The following MYO1D variants were observed in gnomAD, a reference collection of about 807,000 sequenced individuals.
The protein encoded by MYO1D is unconventional myosin-Id.
In MYO1D, 83 loss-of-function variants were observed where a neutral mutation model predicts 122.0. The observed-to-expected ratio is 0.68, with a 90% confidence interval of 0.57 to 0.82. The LOEUF is 0.82. MYO1D is among the 40% of genes least tolerant of loss of function. The pLI, the probability that MYO1D is intolerant of heterozygous loss-of-function variation, is 0.00. For missense variants in MYO1D, 1,157 were observed against 1,269.5 expected (o/e 0.91, Z 1.35); for synonymous variants, 464 against 446.9 (o/e 1.04, Z -0.48).
intron 12 of MYO1D, among the ~76,000 whole-genome samples, chr17:32,747,634 C>A (rs28545272): frequency 0.025 from 3,809 of 151,914 alleles, 162 homozygotes; most frequent in African/African-American, 0.086. Context: ...GTCAGGAGTT[C>A]GAAACCAGCC....
At chr17:32,507,335 T>C (rs976030754) in intron 21 of MYO1D, among the ~76,000 whole-genome samples, 6 of 152,046 alleles carry the variant, frequency 3.9e-5, no homozygotes, top group African/African-American at 1.2e-4. Flanking sequence ...GCCTGGGAGG[T>C]TGAGGCTGCA....
chr17:32,762,884 A>C (rs797010015), intron 8 of MYO1D, among the ~76,000 whole-genome samples: 12 of 45,260 alleles, frequency 2.7e-4, no homozygotes, highest in African/African-American at 6.8e-4. Context: ...AAAAAAAAGA[A>C]AAAAAAAAAA....
chr17:32,876,944 G>A lies in MYO1D; in HGVS notation c.-72C>T. The A allele has an allele frequency of 1.1e-6, 1 of 924,706 alleles. No homozygotes were observed. Among genetic ancestry groups the A allele is most frequent in the Non-Finnish European group, 1.4e-6 (1 of 693,562 alleles). The allele number at this position is 924,706 out of a possible 1,614,324, so 57.3% of individuals were successfully genotyped here. On this transcript the variant is annotated 5_prime_UTR_variant, in exon 1 of 22. Coordinates refer to ENST00000318217, the MANE Select transcript of MYO1D (RefSeq NM_015194.3). ...CGCTCCGTGGGCCCGCGATGAGCTC[G>A]GGAGGGGCCGGGGCGAGGCCGCGCC...
intron 20 of MYO1D, 65 bp downstream of exon 20, chr17:32,638,657 C>A (rs1416537986): frequency 4.7e-6 from 5 of 1,072,820 alleles, no homozygotes; most frequent in African/African-American, 1.5e-5. Flanking sequence ...AGTCTATTGA[C>A]CCATTAGTGG....
chr17:32,571,342 C>G (rs1016893669), intron 21 of MYO1D, among the ~76,000 whole-genome samples: 6 of 152,154 alleles, frequency 3.9e-5, no homozygotes, highest in African/African-American at 1.4e-4. Context: ...CCGCCTCTGG[C>G]CCTCCCTCCA....
intron 21 of MYO1D, among the ~76,000 whole-genome samples, chr17:32,592,615 CA>C (rs1204822995): frequency 6.6e-6 from 1 of 151,900 alleles, no homozygotes; most frequent in Admixed American, 6.6e-5. Context: ...CATGACACTG[CA>C]TTTGTCAAAA....
At chr17:32,518,356 G>A (rs889174511) in intron 21 of MYO1D, 2 of 152,406 alleles carry the variant, frequency 1.3e-5, no homozygotes, top group African/African-American at 4.8e-5. Context: ...ATAATTCTGC[G>A]AAGAGCTCTC....
chr17:32,737,160 G>A (rs977930309), intron 14 of MYO1D, among the ~76,000 whole-genome samples: 3 of 152,076 alleles, frequency 2.0e-5, no homozygotes, highest in African/African-American at 7.2e-5. Flanking sequence ...AAACTACATA[G>A]GAGAAGCACC....
intron 21 of MYO1D, among the ~76,000 whole-genome samples, chr17:32,542,016 C>A (rs1268332348): frequency 6.6e-6 from 1 of 152,128 alleles, no homozygotes; most frequent in Non-Finnish European, 1.5e-5. Context: ...GAAGCTCCCC[C>A]AAGGGCTCTG....
At chr17:32,576,522 A>T (rs1031087679) in intron 21 of MYO1D, among the ~76,000 whole-genome samples, 2 of 152,270 alleles carry the variant, frequency 1.3e-5, no homozygotes, top group Non-Finnish European at 2.9e-5. Context: ...AAATAACCTT[A>T]ATTGGACTAA....
At chr17:32,651,674 CTTTTTTT>C (rs869114531) in intron 19 of MYO1D, among the ~76,000 whole-genome samples, 1 of 134,140 alleles carries the variant, frequency 7.5e-6, no homozygotes, top group Admixed American at 7.5e-5. Context: ...CTTTTTCCCA[CTTTTTTT>C]TTTTTTTTTT....
In MYO1D at chr17:32,492,957, C is replaced by T. The variant is rs141215728; in HGVS notation, c.*1802G>A. On this transcript the variant is annotated 3_prime_UTR_variant, in exon 22 of 22. Transcript: ENST00000318217. ...AAAGGCTGGGAGGAAAGAACCCAAACCCAGGCCCTCCTCCTGCCCTCCAGC... is the reference window on the plus strand; with the variant it reads ...AAAGGCTGGGAGGAAAGAACCCAAATCCAGGCCCTCCTCCTGCCCTCCAGC... 3.5e-3 allele frequency: 541 copies of T among 152,796 alleles called. No homozygotes were observed. The highest frequency in any genetic ancestry group is 6.8e-3 in the Middle Eastern group (2 of 294). 9.5% of individuals were successfully genotyped at this position (152,796 alleles called of 1,614,324 possible).
chr17:32,821,982 T>C (rs1373216873), intron 1 of MYO1D, among the ~76,000 whole-genome samples: 2 of 152,230 alleles, frequency 1.3e-5, no homozygotes, highest in Non-Finnish European at 2.9e-5. Flanking sequence ...CTCAGGGATC[T>C]AGAACTAGAA....
Position 32,712,190 on chromosome 17 carries a change from T to C in MYO1D, c.1919A>G (p.Lys640Arg), listed in dbSNP as rs748275330. 7 of 1,612,186 alleles carry C rather than the reference T, an allele frequency of 4.3e-6. No homozygotes were observed. Among genetic ancestry groups the C allele is most frequent in the East Asian group, 2.2e-5 (1 of 44,860 alleles). The change falls in exon 16 of 22, where the codon AAG becomes AGG. Residue 640 changes from lysine (K) to arginine (R), a missense_variant. Lys to Arg is a conservative substitution (Grantham distance 26). Coordinates refer to ENST00000318217, the MANE Select transcript of MYO1D (RefSeq NM_015194.3). The part of the protein sequence containing the change: ...QTYEKFLHRY[K>R]MISEFTWPNH... ...GGGCCAGGTGAATTCAGAGATCATCTTATACCTGGATGAAAAAAAGAAACA... is the reference window on the plus strand; with the variant it reads ...GGGCCAGGTGAATTCAGAGATCATCCTATACCTGGATGAAAAAAAGAAACA...
intron 1 of MYO1D, among the ~76,000 whole-genome samples, chr17:32,824,319 T>C (rs1253642104): frequency 2.0e-5 from 3 of 152,214 alleles, no homozygotes; most frequent in Admixed American, 6.5e-5. Flanking sequence ...CTGCACTCAA[T>C]AGACTAATAA....
At chr17:32,817,940 A>G (rs979469402) in intron 1 of MYO1D, among the ~76,000 whole-genome samples, 4 of 150,436 alleles carry the variant, frequency 2.7e-5, no homozygotes, top group African/African-American at 9.8e-5. Flanking sequence ...TCCCGGCTAA[A>G]ACGGTGAAAC....
chr17:32,822,531 C>T (rs951744720), intron 1 of MYO1D, among the ~76,000 whole-genome samples: 11 of 143,756 alleles, frequency 7.7e-5, no homozygotes, highest in Admixed American at 6.3e-4. Context: ...GCCTCCTCCC[C>T]GTTCACTGCC....
intron 21 of MYO1D, among the ~76,000 whole-genome samples, chr17:32,524,493 A>G (rs1910270343): frequency 6.6e-6 from 1 of 151,928 alleles, no homozygotes; most frequent in Non-Finnish European, 1.5e-5. Flanking sequence ...TCTGGGTTCA[A>G]GCAATCCTCC....
At chr17:32,554,444 T>C (rs2150886553) in intron 21 of MYO1D, among the ~76,000 whole-genome samples, 1 of 152,238 alleles carries the variant, frequency 6.6e-6, no homozygotes, top group South Asian at 2.1e-4. Flanking sequence ...AGAAATCTGA[T>C]TAAAGATGAC....
Sources: gnomAD v4.1 joint callset for allele counts (sites outside exome capture counted in the v4.1 genomes callset) on GRCh38, gnomAD v4.1.1 for gene constraint, MANE v1.5 for transcripts, NCBI Gene and HGNC (gene_info 2026-07-23, HGNC 2026-07-21) for gene names.